LIN9: variants seen among roughly 807,000 people sequenced by gnomAD.
LIN9 encodes protein lin-9 homolog.
LIN9 carries 18 observed loss-of-function variants against 78.0 expected under a neutral mutation model. The observed-to-expected ratio is 0.23, with a 90% CI of 0.16 to 0.34. The LOEUF (loss-of-function observed/expected upper bound fraction) is 0.34, where lower values mean the gene tolerates loss of function less well. Among genes scored for constraint, LIN9 ranks in the 10% least tolerant of loss-of-function variants. The probability of loss-of-function intolerance (pLI) is 1.00; values close to 1 mark genes in which losing one functional copy is unlikely to be tolerated. For synonymous variants in LIN9, 192 were observed against 215.2 expected, an observed-to-expected ratio of 0.89 and a Z score of 0.94; for missense variants, 451 against 644.1, an observed-to-expected ratio of 0.70 and a Z score of 3.25.
At chr1:226,260,482 G>A (rs1262434364) in intron 10 of LIN9, among the ~76,000 whole-genome samples, 2 of 151,676 alleles carry the variant, frequency 1.3e-5, no homozygotes, top group Non-Finnish European at 2.9e-5. Context: ...GCCTAGCCTG[G>A]GCAACATAGA....
chr1:226,260,731 G>A (rs1015694575), intron 10 of LIN9, among the ~76,000 whole-genome samples: 4 of 124,156 alleles, frequency 3.2e-5, no homozygotes, highest in Admixed American at 1.1e-4. Flanking sequence ...TGCAAGCTCC[G>A]CCTCCCAGGT....
chr1:226,246,392 A>C (rs752044836), intron 11 of LIN9, among the ~76,000 whole-genome samples: 15 of 151,968 alleles, frequency 9.9e-5, no homozygotes, highest in Non-Finnish European at 1.6e-4. Context: ...CTCTCAGACA[A>C]ATTGTTGGTT....
chr1:226,235,322 C>CA (rs375690849), intron 12 of LIN9, among the ~76,000 whole-genome samples: 2,535 of 59,620 alleles, frequency 0.043, 234 homozygotes, highest in African/African-American at 0.11. Flanking sequence ...AAATCCGTCT[C>CA]AAAAAAAAAA....
rs1657475264 is a variant in LIN9 at position 226,233,389 on chromosome 1, C to T, written c.1380G>A (p.Leu460=). The part of the protein sequence containing the change: ...TGQPCVENEN[L]TDLISRLTAI... ...CTGTAAGCCTGGAAATTAAGTCTGT[C>T]AGATTTTCATTTTCAACGCAGGGCT... The change falls in exon 13 of 15, where the codon CTG becomes CTA. Residue 460 remains leucine (L), a synonymous_variant. Coordinates refer to ENST00000681046, the MANE Select transcript of LIN9 (RefSeq NM_001366245.2). 6.2e-7 allele frequency: 1 copy of T among 1,613,444 alleles called. No homozygotes were observed. The highest frequency in any genetic ancestry group is 1.3e-5 in the African/African-American group (1 of 74,982).
chr1:226,248,362 C>T (rs979076963), intron 11 of LIN9, among the ~76,000 whole-genome samples: 8 of 152,162 alleles, frequency 5.3e-5, no homozygotes, highest in South Asian at 2.1e-4. Flanking sequence ...GAAAAAATTT[C>T]GAAATCTCAT....
At chr1:226,299,829 G>A (rs920419163) in intron 2 of LIN9, among the ~76,000 whole-genome samples, 2 of 152,176 alleles carry the variant, frequency 1.3e-5, no homozygotes, top group Middle Eastern at 3.4e-3. Context: ...AAGAAATAGT[G>A]AGACCAAGGA....
At chr1:226,299,754 T>A (rs1188786957) in intron 2 of LIN9, among the ~76,000 whole-genome samples, 4 of 152,116 alleles carry the variant, frequency 2.6e-5, no homozygotes. Context: ...CCTACCAGAA[T>A]CTTAATCAAG....
upstream of LIN9, chr1:226,309,237 T>C (rs912669364): frequency 7.9e-6 from 11 of 1,385,052 alleles, no homozygotes; most frequent in Middle Eastern, 2.5e-4. Context: ...CGGAGCTCGC[T>C]GCCCGCGGCG....
chr1:226,237,572 C>T (rs1181705435), intron 12 of LIN9, among the ~76,000 whole-genome samples: 1 of 144,392 alleles, frequency 6.9e-6, no homozygotes, highest in Non-Finnish European at 1.5e-5. Context: ...GCAGAGGTTG[C>T]AGTGGGCCGA....
intron 1 of LIN9, among the ~76,000 whole-genome samples, chr1:226,305,306 C>CAAAAA (rs1204120899): frequency 5.2e-5 from 1 of 19,098 alleles, no homozygotes; most frequent in Non-Finnish European, 1.1e-4. Flanking sequence ...CTCGTCTCTA[C>CAAAAA]AAAAAAAAGA....
At chr1:226,234,330 T>G (rs1576266923) in intron 12 of LIN9, among the ~76,000 whole-genome samples, 1 of 152,254 alleles carries the variant, frequency 6.6e-6, no homozygotes, top group East Asian at 1.9e-4. Flanking sequence ...CTCTTAACAC[T>G]GCTTCTATAT....
At chr1:226,261,610 G>A (rs558745250) in intron 10 of LIN9, among the ~76,000 whole-genome samples, 4 of 152,266 alleles carry the variant, frequency 2.6e-5, no homozygotes, top group Admixed American at 2.6e-4. Flanking sequence ...AAACTCTGAT[G>A]AAAGAAATCA....
chr1:226,279,307 AAAT>A (rs917916038), intron 6 of LIN9, among the ~76,000 whole-genome samples: 2 of 151,742 alleles, frequency 1.3e-5, no homozygotes, highest in African/African-American at 4.8e-5. Context: ...TTTCTGCTAA[AAAT>A]AAAAAAATTA....
chr1:226,305,315 GAAAA>G (rs111859953), intron 1 of LIN9, among the ~76,000 whole-genome samples: 8 of 77,510 alleles, frequency 1.0e-4, no homozygotes, highest in African/African-American at 3.4e-4. Flanking sequence ...ACAAAAAAAA[GAAAA>G]AAAAAAAAAA....
intron 7 of LIN9, 32 bp from the exon 8 acceptor site, chr1:226,268,122 G>C: frequency 6.2e-7 from 1 of 1,600,256 alleles, no homozygotes; most frequent in Non-Finnish European, 8.5e-7. Context: ...TATGATGTGT[G>C]GGAGATACAA....
chr1:226,297,414 T>C (rs1038960036), intron 3 of LIN9, among the ~76,000 whole-genome samples: 4 of 152,206 alleles, frequency 2.6e-5, no homozygotes, highest in African/African-American at 9.7e-5. Flanking sequence ...CACATATATA[T>C]ATTTTTGCAG....
At position 226,274,111 on chromosome 1, in the gene LIN9, G is replaced by A. The variant is rs568617160; in HGVS notation, c.682+3664C>T. 2.6e-5 allele frequency among the ~76,000 whole-genome samples: 4 copies of A among 152,266 alleles called. No individual in the cohort carries two copies. In the East Asian group the frequency reaches 7.7e-4, roughly 29 times the overall value. On this transcript the variant is annotated intron_variant, in intron 7 of 14. Coordinates refer to ENST00000681046, the MANE Select transcript of LIN9 (RefSeq NM_001366245.2). The stretch of plus-strand genomic sequence containing the variant: ...GCCTCCCAAAATGCTGGGATTACAG[G>A]CATGACCCACTACGCCTGGCCTTAA...
chr1:226,294,464 C>T (rs4570387), intron 4 of LIN9, among the ~76,000 whole-genome samples: 22,605 of 151,326 alleles, frequency 0.15, 1,844 homozygotes, highest in East Asian at 0.21. Context: ...CCCAGCTACT[C>T]GGGAGGCTAA....
chr1:226,234,846 A>G (rs1657579524), intron 12 of LIN9, among the ~76,000 whole-genome samples: 1 of 151,398 alleles, frequency 6.6e-6, no homozygotes, highest in South Asian at 2.1e-4. Flanking sequence ...CCCCCTCTTC[A>G]TAACTGCCTT....
Sources: allele counts gnomAD v4.1 joint callset (sites outside exome capture counted in the v4.1 genomes callset), GRCh38; gene constraint gnomAD v4.1.1; transcripts MANE v1.5; gene names NCBI Gene and HGNC (gene_info 2026-07-23, HGNC 2026-07-21).